Variants in RORA observed in about 807,000 individuals in gnomAD.
The protein encoded by RORA is RAR related orphan receptor A, also known as nuclear receptor ROR-alpha.
In RORA, 7 loss-of-function variants were observed where a neutral mutation model predicts 69.5. The observed-to-expected ratio is 0.10, with a 90% confidence interval of 0.06 to 0.19. The LOEUF is 0.19. Among genes scored for constraint, RORA ranks in the 10% least tolerant of loss-of-function variants. The probability of loss-of-function intolerance (pLI) is 1.00; values close to 1 mark genes in which losing one functional copy is unlikely to be tolerated. For synonymous variants in RORA, 261 were observed against 240.8 expected (o/e 1.08, Z -0.78); for missense variants, 457 against 663.0 (o/e 0.69, Z 3.41).
chr15:60,960,315 A>G (rs138013466), intron 1 of RORA, among the ~76,000 whole-genome samples: 22 of 152,270 alleles, frequency 1.4e-4, no homozygotes, highest in Middle Eastern at 3.4e-3. Flanking sequence ...AGCAAAGACA[A>G]CCTCTACAAG....
At chr15:60,783,418 G>C (rs537477938) in intron 1 of RORA, among the ~76,000 whole-genome samples, 1 of 152,172 alleles carries the variant, frequency 6.6e-6, no homozygotes, top group African/African-American at 2.4e-5. Context: ...ACAATGTTTT[G>C]CAATATGTAA....
rs534952533 is a variant in RORA, at chr15:60,800,304, T to C, written c.167-121618A>G. 2.8e-3 allele frequency among the ~76,000 whole-genome samples: 426 copies of C among 152,324 alleles called. 3 individuals are homozygous for C. Among genetic ancestry groups the C allele is most frequent in the Middle Eastern group, 0.014 (4 of 294 alleles). On this transcript the variant is annotated intron_variant, in intron 1 of 10. Transcript: ENST00000335670. ...AATTCAATCATTTCCAACACCTCTC[T>C]GGCCCTAATCATGACAAACCCCTCT...
chr15:61,004,183 C>A (rs1397185692), intron 1 of RORA, among the ~76,000 whole-genome samples: 1 of 151,114 alleles, frequency 6.6e-6, no homozygotes, highest in Admixed American at 6.6e-5. Flanking sequence ...TACTTCTTGT[C>A]ATGGAAAAGT....
At chr15:60,734,761 A>G (rs1423548296) in intron 1 of RORA, among the ~76,000 whole-genome samples, 2 of 152,260 alleles carry the variant, frequency 1.3e-5, no homozygotes, top group Non-Finnish European at 2.9e-5. Flanking sequence ...ACTATTCAGC[A>G]TGGTGTAAAT....
At chr15:60,824,943 A>C (rs74875396) in intron 1 of RORA, among the ~76,000 whole-genome samples, 267 of 152,338 alleles carry the variant, frequency 1.8e-3, no homozygotes, top group African/African-American at 6.3e-3. Flanking sequence ...TCATAATGGA[A>C]TATAAAATAT....
At chr15:61,162,968 G>C (rs184835966) in intron 1 of RORA, among the ~76,000 whole-genome samples, 3 of 152,294 alleles carry the variant, frequency 2.0e-5, no homozygotes, top group Admixed American at 1.3e-4. Context: ...ACCGCACTCA[G>C]CAGAACGATT....
At chr15:60,937,980 T>C (rs1455334074) in intron 1 of RORA, among the ~76,000 whole-genome samples, 1 of 152,206 alleles carries the variant, frequency 6.6e-6, no homozygotes, top group Non-Finnish European at 1.5e-5. Context: ...TGGATCATAT[T>C]ATCTGCAATT....
chr15:61,132,536 G>C (rs1292180910), intron 1 of RORA, among the ~76,000 whole-genome samples: 1 of 152,056 alleles, frequency 6.6e-6, no homozygotes, highest in African/African-American at 2.4e-5. Flanking sequence ...ACTTTAATAA[G>C]TAAGGTCAAA....
intron 1 of RORA, among the ~76,000 whole-genome samples, chr15:60,722,751 A>C (rs947791682): frequency 6.6e-6 from 1 of 152,202 alleles, no homozygotes; most frequent in Non-Finnish European, 1.5e-5. Flanking sequence ...CAAGAAAAAT[A>C]CTGGAAAGGA....
At chr15:61,080,303 C>T (rs1227718783) in intron 1 of RORA, among the ~76,000 whole-genome samples, 2 of 152,160 alleles carry the variant, frequency 1.3e-5, no homozygotes, top group Admixed American at 1.3e-4. Flanking sequence ...CACAAAAGCA[C>T]CTAAGCTTAC....
chr15:60,949,169 C>T (rs188103402), intron 1 of RORA, among the ~76,000 whole-genome samples: 243 of 152,284 alleles, frequency 1.6e-3, no homozygotes, highest in African/African-American at 5.6e-3. Context: ...GTAGCACACA[C>T]CCCCTATGAC....
chr15:60,894,462 G>A (rs769661211), intron 1 of RORA, among the ~76,000 whole-genome samples: 2 of 152,194 alleles, frequency 1.3e-5, no homozygotes, highest in Admixed American at 1.3e-4. Context: ...CTGCAGATGA[G>A]GCTTCCGAAG....
intron 1 of RORA, among the ~76,000 whole-genome samples, chr15:60,887,503 G>C (rs986227231): frequency 3.3e-5 from 5 of 152,122 alleles, no homozygotes; most frequent in Admixed American, 2.0e-4. Flanking sequence ...GAGCAGAGGA[G>C]CAGGAAAAAA....
intron 1 of RORA, among the ~76,000 whole-genome samples, chr15:60,846,999 T>C (rs199943335): frequency 7.4e-4 from 113 of 152,290 alleles, no homozygotes; most frequent in East Asian, 6.6e-3. Context: ...GGCTATACTT[T>C]TATGGTTAAT....
chr15:61,057,939 A>G (rs1310877899), intron 1 of RORA, among the ~76,000 whole-genome samples: 1 of 152,222 alleles, frequency 6.6e-6, no homozygotes, highest in South Asian at 2.1e-4. Flanking sequence ...GGCATTTAAG[A>G]GGAGATTCAG....
intron 1 of RORA, among the ~76,000 whole-genome samples, chr15:60,981,563 G>T (rs532563742): frequency 6.6e-6 from 1 of 151,586 alleles, no homozygotes; most frequent in Non-Finnish European, 1.5e-5. Context: ...TTCTTTCTTT[G>T]GTCTGTTCAA....
chr15:60,730,948 A>G (rs1055683574), intron 1 of RORA, among the ~76,000 whole-genome samples: 3 of 152,166 alleles, frequency 2.0e-5, no homozygotes, highest in African/African-American at 4.8e-5. Context: ...CTGGTTTGTT[A>G]CATATGTAAA....
intron 1 of RORA, among the ~76,000 whole-genome samples, chr15:60,744,951 T>C (rs995971122): frequency 6.6e-6 from 1 of 152,216 alleles, no homozygotes; most frequent in Non-Finnish European, 1.5e-5. Flanking sequence ...CTGGAGGGCA[T>C]GATGGGCCCA....
At chr15:60,701,675 C>T (rs766224075) in intron 1 of RORA, among the ~76,000 whole-genome samples, 2 of 152,166 alleles carry the variant, frequency 1.3e-5, no homozygotes, top group African/African-American at 4.8e-5. Flanking sequence ...GTCCCCGACT[C>T]GGTCTGCTGT....
Sources: gnomAD v4.1 joint callset for allele counts (sites outside exome capture counted in the v4.1 genomes callset) on GRCh38, gnomAD v4.1.1 for gene constraint, MANE v1.5 for transcripts, NCBI Gene and HGNC (gene_info 2026-07-23, HGNC 2026-07-21) for gene names.